Variants in GATAD2B observed in about 807,000 individuals in gnomAD.
GATAD2B encodes the protein transcriptional repressor p66-beta.
In GATAD2B, 8 loss-of-function variants were observed where a neutral mutation model predicts 64.3. That is an observed-to-expected ratio of 0.12 (90% CI 0.07 to 0.22). The LOEUF (loss-of-function observed/expected upper bound fraction) is 0.22, where lower values mean the gene tolerates loss of function less well. Among genes scored for constraint, GATAD2B ranks in the 10% least tolerant of loss-of-function variants. The pLI, the probability that GATAD2B is intolerant of heterozygous loss-of-function variation, is 1.00. For synonymous variants in GATAD2B, 281 were observed against 271.3 expected (o/e 1.04, Z -0.35); for missense variants, 453 against 752.0 (o/e 0.60, Z 4.65).
intron 1 of GATAD2B, among the ~76,000 whole-genome samples, chr1:153,904,832 G>C (rs1021058373): frequency 1.6e-4 from 24 of 151,942 alleles, no homozygotes; most frequent in African/African-American, 5.8e-4. Context: ...TCAGCCTCCC[G>C]AGCAGGTGGG....
chr1:153,855,683 A>AT (rs1039421065), intron 1 of GATAD2B, among the ~76,000 whole-genome samples: 28 of 150,310 alleles, frequency 1.9e-4, no homozygotes, highest in Admixed American at 3.3e-4. Context: ...TATTTTATAT[A>AT]TTTTTTTTTT....
At chr1:153,822,782 C>T (rs959174591) in intron 2 of GATAD2B, among the ~76,000 whole-genome samples, 1 of 152,156 alleles carries the variant, frequency 6.6e-6, no homozygotes, top group African/African-American at 2.4e-5. Flanking sequence ...CAGGCATGAG[C>T]CACCGCGTCC....
chr1:153,921,995 A>T (rs1678454527), intron 1 of GATAD2B: 1 of 152,248 alleles, frequency 6.6e-6, no homozygotes, highest in Admixed American at 6.5e-5. Context: ...ACCGACCCTC[A>T]GGAACTGAAC....
At chr1:153,851,787 T>A (rs1570959215) in intron 1 of GATAD2B, among the ~76,000 whole-genome samples, 1 of 152,286 alleles carries the variant, frequency 6.6e-6, no homozygotes, top group South Asian at 2.1e-4. Flanking sequence ...CATGAAGATG[T>A]TTTTATTCAA....
intron 1 of GATAD2B, among the ~76,000 whole-genome samples, chr1:153,869,291 C>CA (rs58795446): frequency 0.83 from 120,045 of 144,022 alleles, 50,099 homozygotes; most frequent in Admixed American, 0.89. Flanking sequence ...GACTATATCT[C>CA]AAAAAAAAAA....
chr1:153,907,017 C>T (rs901812380), intron 1 of GATAD2B, among the ~76,000 whole-genome samples: 1 of 152,128 alleles, frequency 6.6e-6, no homozygotes, highest in African/African-American at 2.4e-5. Context: ...TTGGCAGGGA[C>T]GTGGAGGGAC....
intron 2 of GATAD2B, among the ~76,000 whole-genome samples, chr1:153,821,768 G>A (rs564618764): frequency 2.6e-5 from 4 of 151,708 alleles, no homozygotes; most frequent in East Asian, 2.0e-4. Flanking sequence ...GGGTTTCACC[G>A]TTTTGGCCAG....
At chr1:153,872,568 C>G (rs1676705386) in intron 1 of GATAD2B, among the ~76,000 whole-genome samples, 1 of 151,502 alleles carries the variant, frequency 6.6e-6, no homozygotes, top group Non-Finnish European at 1.5e-5. Context: ...AAAAAAAACC[C>G]CACAAAACTA....
At chr1:153,820,563 T>C (rs1269537597) in intron 2 of GATAD2B, among the ~76,000 whole-genome samples, 2 of 152,200 alleles carry the variant, frequency 1.3e-5, no homozygotes, top group Non-Finnish European at 2.9e-5. Flanking sequence ...CATTCCCAGA[T>C]CCTACTTTCC....
chr1:153,906,691 A>C (rs571747814), intron 1 of GATAD2B, among the ~76,000 whole-genome samples: 1 of 152,306 alleles, frequency 6.6e-6, no homozygotes, highest in African/African-American at 2.4e-5. Context: ...TTTGTGCATC[A>C]AAGGACACTA....
chr1:153,910,158 TG>T (rs1678071046), intron 1 of GATAD2B, among the ~76,000 whole-genome samples: 1 of 152,052 alleles, frequency 6.6e-6, no homozygotes, highest in Admixed American at 6.6e-5. Context: ...TAATGTTATA[TG>T]TATAGATATG....
chr1:153,806,613 G>GT lies in GATAD2B; in HGVS notation c.*3563dup, dbSNP rs35293578. 0.034 allele frequency: 4,894 copies of GT among 145,268 alleles called. 281 individuals are homozygous for GT. The highest frequency in any genetic ancestry group is 0.11 in the African/African-American group (4,463 of 39,642). 9.0% of individuals were successfully genotyped at this position (145,268 alleles called of 1,614,324 possible). ...TAGGGCTTTTTTTTCTCTTTTTCAG[G>GT]TTTTTTTTTTTTTCTACACAATGTA... On this transcript the variant is annotated 3_prime_UTR_variant, in exon 11 of 11. Coordinates refer to ENST00000368655, the MANE Select transcript of GATAD2B (RefSeq NM_020699.4).
intron 1 of GATAD2B, among the ~76,000 whole-genome samples, chr1:153,921,308 G>A (rs777287639): frequency 1.1e-3 from 169 of 152,298 alleles, no homozygotes; most frequent in Non-Finnish European, 1.2e-3. Context: ...GATGGCTGGA[G>A]GACAGAGATG....
chr1:153,819,067 A>AGTCT (rs1451011501), intron 3 of GATAD2B, 145 bp from the exon 4 acceptor site: 21 of 743,336 alleles, frequency 2.8e-5, no homozygotes, highest in Middle Eastern at 3.9e-4. Context: ...GTATCACTGG[A>AGTCT]GTCTGGCACA....
chr1:153,893,655 G>A (rs1158710084), intron 1 of GATAD2B, among the ~76,000 whole-genome samples: 2 of 151,382 alleles, frequency 1.3e-5, no homozygotes, highest in Admixed American at 6.6e-5. Context: ...AAGTAAAACT[G>A]AACTTTTAGA....
At position 153,819,865 on chromosome 1, in the gene GATAD2B, G is replaced by A. The variant is rs1229502465; in HGVS notation, c.336-130C>T. 23 of 620,244 alleles carry A rather than the reference G, an allele frequency of 3.7e-5. No individual in the cohort carries two copies. In the South Asian group the frequency reaches 6.3e-4, roughly 17 times the overall value. 38.4% of individuals were successfully genotyped at this position (620,244 alleles called of 1,614,324 possible). A position where few individuals can be genotyped will look rare whatever the true frequency, so the allele number is the denominator to read the frequency against. On this transcript the variant is annotated intron_variant, in intron 2 of 10. Transcript: ENST00000368655. Reference sequence around the variant, plus strand: ...TGTAATCCTAGCACTTTGGGAGACCGAGGCGGGTGGAACACCTGGGGTCAG... The same window carrying A: ...TGTAATCCTAGCACTTTGGGAGACCAAGGCGGGTGGAACACCTGGGGTCAG...
At position 153,816,531 on chromosome 1, in the gene GATAD2B, G is replaced by T; in HGVS notation, c.958C>A (p.Leu320Ile). Reference sequence around the variant, plus strand: ...GTCCCTGGCTGGATATGAGAAGCAAGGTTCATATAGATGGCAGAGGATGTT... The same window carrying T: ...GTCCCTGGCTGGATATGAGAAGCAATGTTCATATAGATGGCAGAGGATGTT... Reference protein sequence around the residue: ...RTTSSAIYMNLASHIQPGTVN... With the variant: ...RTTSSAIYMNIASHIQPGTVN... Residue 320 changes from leucine to isoleucine, a missense_variant, in exon 7 of 11, where the codon CTT becomes ATT. By Grantham distance (5) the Leu-to-Ile change is conservative. Transcript: ENST00000368655. The surrounding 1 kb of genome is among the most constrained non-coding windows in gnomAD (Gnocchi z 4.9). The T allele has an allele frequency of 6.2e-7, 1 of 1,613,542 alleles. No homozygotes were observed.
chr1:153,906,848 T>C (rs967554974), intron 1 of GATAD2B, among the ~76,000 whole-genome samples: 2 of 152,124 alleles, frequency 1.3e-5, no homozygotes, highest in Admixed American at 6.6e-5. Flanking sequence ...TGAATAGACA[T>C]GTCTCCAAAG....
At chr1:153,897,870 G>A (rs1262075692) in intron 1 of GATAD2B, among the ~76,000 whole-genome samples, 2 of 151,912 alleles carry the variant, frequency 1.3e-5, no homozygotes, top group East Asian at 3.9e-4. Flanking sequence ...CCTGGGCCTG[G>A]CACGGTGGCT....
Sources: gnomAD v4.1 joint callset for allele counts (sites outside exome capture counted in the v4.1 genomes callset) on GRCh38, gnomAD v4.1.1 for gene constraint, Gnocchi (gnomAD v3.1) non-coding constraint, MANE v1.5 for transcripts, NCBI Gene and HGNC (gene_info 2026-07-23, HGNC 2026-07-21) for gene names.